PXDN: variants seen among roughly 807,000 people sequenced by gnomAD.
PXDN encodes the protein peroxidasin.
PXDN carries 77 observed loss-of-function variants against 140.3 expected under a neutral mutation model. The ratio of observed to expected loss-of-function variants is 0.55; its 90% CI spans 0.46 to 0.66. The LOEUF is 0.66. PXDN is among the 30% of genes least tolerant of loss of function. The pLI is 0.00. For missense variants in PXDN, 1,838 were observed against 2,039.5 expected, an observed-to-expected ratio of 0.90 and a Z score of 1.90; for synonymous variants, 911 against 857.4, an observed-to-expected ratio of 1.06 and a Z score of -1.09.
In PXDN at chr2:1,649,384, G is replaced by T. The variant is rs745930244; in HGVS notation, c.2396C>A (p.Ser799Tyr). ...GHALPMPRLV[S>Y]TTLIGTETVT... The stretch of plus-strand genomic sequence containing the variant: ...GGTCTCCGTCCCGATCAGGGTGGTG[G>T]ACACCAGGCGCGGCATGGGAAGGGC... Residue 799 changes from serine to tyrosine, a missense_variant, in exon 17 of 23, where the codon TCC becomes TAC. This residue lies in a region of PXDN where 537 missense variants were observed against 583.9 expected (regional missense o/e 0.92). Transcript: ENST00000252804. The surrounding 1 kb of genome is among the most constrained non-coding windows in gnomAD (Gnocchi z 7.1). 6.2e-7 allele frequency: 1 copy of T among 1,613,988 alleles called. No homozygotes were observed. Among genetic ancestry groups the T allele is most frequent in the Admixed American group, 1.7e-5 (1 of 60,030 alleles).
intron 1 of PXDN, among the ~76,000 whole-genome samples, chr2:1,701,850 G>A (rs997430058): frequency 9.2e-5 from 14 of 152,248 alleles, no homozygotes; most frequent in African/African-American, 2.6e-4. Flanking sequence ...CCCCGACAGC[G>A]GTCTTGTCCT....
intron 14 of PXDN, among the ~76,000 whole-genome samples, chr2:1,657,622 C>T (rs116723143): frequency 6.6e-6 from 1 of 151,786 alleles, no homozygotes; most frequent in African/African-American, 2.4e-5. Context: ...GACCTGCCCC[C>T]TACTGACAAG....
intron 21 of PXDN, among the ~76,000 whole-genome samples, chr2:1,637,727 C>T (rs1682603635): frequency 1.5e-5 from 2 of 132,450 alleles, no homozygotes; most frequent in Non-Finnish European, 3.3e-5. Flanking sequence ...GGGGGATGTA[C>T]ACCTGGTCTC....
At chr2:1,658,079 T>TCCCC (rs1683204735) in intron 14 of PXDN, among the ~76,000 whole-genome samples, 1 of 65,064 alleles carries the variant, frequency 1.5e-5, no homozygotes, top group African/African-American at 5.6e-5. Context: ...TCTCTCTCTC[T>TCCCC]CTCTCTCTCT....
rs1353418918 is a variant in PXDN at position 1,643,455 on chromosome 2, ACACGTCGCTCTG to A, written c.3853_3864del (p.Gln1285_Val1288del). 6.2e-7 allele frequency: 1 copy of A among 1,613,924 alleles called. No individual in the cohort carries two copies. Among genetic ancestry groups the A allele is most frequent in the Admixed American group, 1.7e-5 (1 of 60,006 alleles). ...CCGTGAGGGAACTCCGCCACCCTGA[ACACGTCGCTCTG>A]CACCCGGGTGATGTTGTCCGCGTTG... On this transcript the variant is annotated inframe_deletion, in exon 19 of 23. Transcript: ENST00000252804.
At chr2:1,731,152 G>GCGCGCACACA (rs1553371240) in intron 1 of PXDN, among the ~76,000 whole-genome samples, 2 of 135,968 alleles carry the variant, frequency 1.5e-5, no homozygotes, top group African/African-American at 5.5e-5. Context: ...GAGCGCGCGC[G>GCGCGCACACA]CACACACACA....
rs1299920416 is a variant in PXDN at position 1,662,155 on chromosome 2, C to T, written c.1597G>A (p.Asp533Asn). 1 of 1,593,594 alleles carries T rather than the reference C, an allele frequency of 6.3e-7. No individual in the cohort carries two copies. ...TTGGCGCCCACCTCCACTGTTGTGT[C>T]GCTGGGAATGCTGGCAAACACTGGG... Reference protein sequence around the residue: ...VTPVFASIPSDTTVEVGANVQ... With the variant: ...VTPVFASIPSNTTVEVGANVQ... The change falls in exon 13 of 23, where the codon GAC becomes AAC. Residue 533 changes from aspartate to asparagine, a missense_variant. Asp to Asn is a conservative substitution (Grantham distance 23). Transcript: ENST00000252804.
intron 1 of PXDN, among the ~76,000 whole-genome samples, chr2:1,702,718 T>A (rs1387516780): frequency 1.3e-5 from 2 of 151,404 alleles, no homozygotes; most frequent in African/African-American, 4.9e-5. Flanking sequence ...AACCTCCGTC[T>A]CCCAGGTTCA....
chr2:1,640,742 T>A (rs1186814282), intron 19 of PXDN, among the ~76,000 whole-genome samples: 2 of 152,100 alleles, frequency 1.3e-5, no homozygotes, highest in Non-Finnish European at 2.9e-5. Context: ...CAGCAACACC[T>A]GGGGTCAAGA....
intron 21 of PXDN, among the ~76,000 whole-genome samples, chr2:1,637,716 T>C (rs1164263813): frequency 8.3e-6 from 1 of 120,930 alleles, no homozygotes. Flanking sequence ...GACAGCTGCC[T>C]GGGGGATGTA....
At chr2:1,663,579 T>A in intron 12 of PXDN, 26 bp downstream of exon 12, 1 of 1,610,094 alleles carries the variant, frequency 6.2e-7, no homozygotes, top group Non-Finnish European at 8.5e-7. Flanking sequence ...GAAAATCAAT[T>A]CAGTCCACAA....
intron 1 of PXDN, among the ~76,000 whole-genome samples, chr2:1,731,519 G>A (rs1685314790): frequency 6.6e-6 from 1 of 152,204 alleles, no homozygotes; most frequent in Admixed American, 6.5e-5. Context: ...ATGGATGATG[G>A]TGGAGCTTCA....
intron 1 of PXDN, among the ~76,000 whole-genome samples, chr2:1,719,111 A>G (rs12624042): frequency 0.1 from 15,779 of 152,242 alleles, 959 homozygotes; most frequent in East Asian, 0.29. Context: ...TCCTTAGACG[A>G]GCGAGCCAGC....
At chr2:1,662,850 G>A (rs543104601) in intron 12 of PXDN, among the ~76,000 whole-genome samples, 23 of 152,258 alleles carry the variant, frequency 1.5e-4, no homozygotes, top group Admixed American at 1.4e-3. Flanking sequence ...CCAAAGTGAC[G>A]CAAGGAAATC....
At chr2:1,642,250 C>A (rs1682744871) in intron 19 of PXDN, among the ~76,000 whole-genome samples, 1 of 152,082 alleles carries the variant, frequency 6.6e-6, no homozygotes, top group Non-Finnish European at 1.5e-5. Context: ...ACACACACAC[C>A]CCACAGTCGC....
intron 1 of PXDN, among the ~76,000 whole-genome samples, chr2:1,736,783 G>A (rs1685432476): frequency 6.6e-6 from 1 of 152,200 alleles, no homozygotes; most frequent in African/African-American, 2.4e-5. Flanking sequence ...GCACCTTGGA[G>A]GCGGATGTCA....
At position 1,635,453 on chromosome 2, in the gene PXDN, G is replaced by C; in HGVS notation, c.4275C>G (p.Asn1425Lys). The change falls in exon 22 of 23, where the codon AAC (asparagine) becomes AAG (lysine). Residue 1425 changes from asparagine to lysine, a missense_variant. Transcript: ENST00000252804. ...ATGCATCTTTTTTCCACTTGGTGTTGTTGGCGTGAGATTCGCCCCCGGCAT... is the reference window on the plus strand; with the variant it reads ...ATGCATCTTTTTTCCACTTGGTGTTCTTGGCGTGAGATTCGCCCCCGGCAT... ...CVDAGGESHA[N>K]NTKWKKDACT... 1 of 1,602,334 alleles carries C rather than the reference G, an allele frequency of 6.2e-7. No homozygotes were observed. The highest frequency in any genetic ancestry group is 8.5e-7 in the Non-Finnish European group (1 of 1,173,946).
At chr2:1,741,309 A>C (rs1322100651) in intron 1 of PXDN, among the ~76,000 whole-genome samples, 1 of 152,154 alleles carries the variant, frequency 6.6e-6, no homozygotes, top group Non-Finnish European at 1.5e-5. Flanking sequence ...TGGGTACAGA[A>C]TGATTCTGTA....
rs754314063 is a variant in PXDN at position 1,643,459 on chromosome 2, G to A, written c.3861C>T (p.Asp1287=). The change falls in exon 19 of 23, where the codon GAC becomes GAT. Residue 1287 remains aspartate, a synonymous_variant. Transcript: ENST00000252804. ...NADNITRVQS[D]VFRVAEFPHG... is the part of the protein sequence containing the mutation. The stretch of plus-strand genomic sequence containing the variant: ...GAGGGAACTCCGCCACCCTGAACAC[G>A]TCGCTCTGCACCCGGGTGATGTTGT... 17 of 1,613,830 alleles carry A rather than the reference G, an allele frequency of 1.1e-5. No individual in the cohort carries two copies. Among genetic ancestry groups the A allele is most frequent in the Admixed American group, 1.7e-5 (1 of 60,000 alleles).
Sources: gnomAD v4.1 joint callset for allele counts (sites outside exome capture counted in the v4.1 genomes callset) on GRCh38, gnomAD v4.1.1 for gene constraint, gnomAD v4.1.1 regional missense constraint, Gnocchi (gnomAD v3.1) non-coding constraint, MANE v1.5 for transcripts, NCBI Gene and HGNC (gene_info 2026-07-23, HGNC 2026-07-21) for gene names.